RNF181: variants seen among roughly 807,000 people sequenced by gnomAD.
RNF181 encodes E3 ubiquitin-protein ligase RNF181.
Under a neutral mutation model 23.3 loss-of-function variants are expected in RNF181, and 25 were observed. That is an observed-to-expected ratio of 1.07 (90% confidence interval 0.78 to 1.50). The LOEUF is 1.50. Ranked by LOEUF, RNF181 falls within the 40% of genes most tolerant of loss-of-function variation. RNF181 has a pLI of 0.00. For synonymous variants in RNF181, 62 were observed against 70.9 expected, an observed-to-expected ratio of 0.87 and a Z score of 0.63; for missense variants, 167 against 191.1, an observed-to-expected ratio of 0.87 and a Z score of 0.74.
chr2:85,595,896 G>A, intron 1 of RNF181, 47 bp downstream of exon 1: 2 of 1,529,512 alleles, frequency 1.3e-6, no homozygotes, highest in African/African-American at 2.7e-5. Context: ...CAGGTTTCTG[G>A]GCTGGGGCTG....
chr2:85,597,078 C>A (rs1226133922), intron 3 of RNF181, 26 bp from the exon 4 acceptor site: 25 of 1,614,164 alleles, frequency 1.5e-5, no homozygotes, highest in Non-Finnish European at 2.0e-5. Flanking sequence ...CAGACCAAGG[C>A]TAGAACACTA....
rs1314618487 is a variant in RNF181, at chr2:85,596,836, G to C, written c.232G>C (p.Val78Leu). 6.2e-7 allele frequency: 1 copy of C among 1,614,206 alleles called. No homozygotes were observed. Among genetic ancestry groups the C allele is most frequent in the Non-Finnish European group, 8.5e-7 (1 of 1,180,026 alleles). The stretch of plus-strand genomic sequence containing the variant: ...CCTTCCTAAAGAGCTCAAGTGCCCC[G>C]TGTGTCTTTTGGAATTTGAGGAGGA... ...RGSQAELKCP[V>L]CLLEFEEEET... Residue 78 changes from valine (V) to leucine (L), a missense_variant, in exon 3 of 5, where the codon GTG (valine) becomes CTG (leucine). Physicochemically the swap from Val to Leu is conservative, Grantham distance 32. Coordinates refer to ENST00000306368, the MANE Select transcript of RNF181 (RefSeq NM_016494.4).
intron 3 of RNF181, 55 bp downstream of exon 3, chr2:85,596,986 T>C: frequency 6.2e-7 from 1 of 1,614,080 alleles, no homozygotes. Flanking sequence ...TACTCAAGCT[T>C]CTTTCTGTTC....
intron 1 of RNF181, among the ~76,000 whole-genome samples, chr2:85,596,060 C>T (rs564903530): frequency 6.6e-6 from 1 of 151,096 alleles, no homozygotes; most frequent in East Asian, 1.9e-4. Context: ...AAGGGGATTG[C>T]GGGAAAGATT....
At position 85,595,822 on chromosome 2, in the gene RNF181, G is replaced by A. The variant is rs757713903; in HGVS notation, c.59G>A (p.Arg20Gln). The part of the protein sequence containing the change: ...CEPSDPEQET[R>Q]TNMLLELARS... ...CCGTCGGACCCTGAGCAGGAGACGC[G>A]AACCAACATGCTGCTGGAGCTCGCA... Residue 20 changes from arginine to glutamine, a missense_variant, in exon 1 of 5, where the codon CGA becomes CAA. Coordinates refer to ENST00000306368, the MANE Select transcript of RNF181 (RefSeq NM_016494.4). 1.2e-6 allele frequency: 2 copies of A among 1,614,050 alleles called. No individual in the cohort carries two copies. The highest frequency in any genetic ancestry group is 1.1e-5 in the South Asian group (1 of 91,062).
chr2:85,596,487 C>T (rs767846734), intron 1 of RNF181, 32 bp from the exon 2 acceptor site: 2 of 1,561,064 alleles, frequency 1.3e-6, no homozygotes, highest in Non-Finnish European at 1.7e-6. Context: ...GCATAGTTTT[C>T]CTTTGTTCTG....
rs1450731510 is a variant in RNF181 at position 85,595,850 on chromosome 2, G to C, written c.86+1G>C. ...CCAACATGCTGCTGGAGCTCGCAAG[G>C]TGGGTGCGCGGGGCTTGGGGATAGG... On this transcript the variant is annotated splice_donor_variant, in intron 1 of 4. Transcript: ENST00000306368. LOFTEE classifies it high-confidence loss of function. 6 of 1,613,530 alleles carry C rather than the reference G, an allele frequency of 3.7e-6. No homozygotes were observed. The highest frequency in any genetic ancestry group is 3.3e-5 in the Admixed American group (2 of 59,976).
rs763675331 is a variant in RNF181 at position 85,596,904 on chromosome 2, C to T, written c.300C>T (p.Ser100=). 6 of 1,614,202 alleles carry T rather than the reference C, an allele frequency of 3.7e-6. No homozygotes were observed. In the South Asian group the frequency reaches 6.6e-5, roughly 18 times the overall value. ...IEMPCHHLFH[S]SCILPWLSKT... ...TGCCTTGCCATCACCTTTTCCATTCCAGCTGCATTCTGCCCTGGCTAAGCA... is the reference window on the plus strand; with the variant it reads ...TGCCTTGCCATCACCTTTTCCATTCTAGCTGCATTCTGCCCTGGCTAAGCA... Residue 100 remains serine (S), a synonymous_variant, in exon 3 of 5, where the codon TCC becomes TCT. Transcript: ENST00000306368.
chr2:85,597,330 C>A, intron 4 of RNF181, 115 bp from the exon 5 acceptor site: 1 of 1,424,744 alleles, frequency 7.0e-7, no homozygotes, highest in Admixed American at 2.2e-5. Context: ...GTGAGAGCCT[C>A]AGCAATGCAG....
Position 85,596,621 on chromosome 2 carries a change from C to T in RNF181, c.189C>T (p.Pro63=). 6.2e-7 allele frequency: 1 copy of T among 1,614,060 alleles called. No individual in the cohort carries two copies. Among genetic ancestry groups the T allele is most frequent in the Non-Finnish European group, 8.5e-7 (1 of 1,179,948 alleles). Residue 63 remains proline (P), a synonymous_variant, in exon 2 of 5, where the codon CCC becomes CCT. Coordinates refer to ENST00000306368, the MANE Select transcript of RNF181 (RefSeq NM_016494.4). ...CCAAGACTGTGGTTGAGAACCTCCC[C>T]AGGACAGTCATCAGAGGCTCTCAGG... is the stretch of plus-strand genomic sequence containing the variant. ...PAAKTVVENL[P]RTVIRGSQAE... is the part of the protein sequence containing the mutation.
At position 85,595,802 on chromosome 2, in the gene RNF181, G is replaced by A. The variant is rs778060327; in HGVS notation, c.39G>A (p.Ser13=). 30 of 1,614,014 alleles carry A rather than the reference G, an allele frequency of 1.9e-5. No homozygotes were observed. The highest frequency in any genetic ancestry group is 2.5e-5 in the Non-Finnish European group (30 of 1,179,998). Reference sequence around the variant, plus strand: ...TCGATGAACACGACTGCGAGCCGTCGGACCCTGAGCAGGAGACGCGAACCA... The same window carrying A: ...TCGATGAACACGACTGCGAGCCGTCAGACCCTGAGCAGGAGACGCGAACCA... ...SYFDEHDCEP[S]DPEQETRTNM... The change falls in exon 1 of 5, where the codon TCG becomes TCA. Residue 13 remains serine, a synonymous_variant. Coordinates refer to ENST00000306368, the MANE Select transcript of RNF181 (RefSeq NM_016494.4).
intron 1 of RNF181, among the ~76,000 whole-genome samples, chr2:85,596,092 TG>T (rs1199515331): frequency 1.4e-5 from 2 of 144,816 alleles, no homozygotes; most frequent in East Asian, 4.0e-4. Flanking sequence ...GTGGTGGGCG[TG>T]GGGGCGGAAG....
In RNF181 at chr2:85,596,436, G is replaced by A. The variant is rs17026482; in HGVS notation, c.87-83G>A. On this transcript the variant is annotated intron_variant, in intron 1 of 4. Coordinates refer to ENST00000306368, the MANE Select transcript of RNF181 (RefSeq NM_016494.4). ...CTATTATTCCTACTAGCTGGGCAGCGTGTTTATTAATGTCCAGTGGATTAT... is the reference window on the plus strand; with the variant it reads ...CTATTATTCCTACTAGCTGGGCAGCATGTTTATTAATGTCCAGTGGATTAT... 1,273 of 1,399,868 alleles carry A rather than the reference G, an allele frequency of 9.1e-4. 16 individuals are homozygous for A. The African/African-American group carries it at 0.011, about 12-fold the overall frequency. 86.7% of individuals were successfully genotyped at this position (1,399,868 alleles called of 1,614,324 possible).
At chr2:85,597,359 C>A in intron 4 of RNF181, 86 bp from the exon 5 acceptor site, 1 of 1,505,088 alleles carries the variant, frequency 6.6e-7, no homozygotes, top group South Asian at 1.3e-5. Context: ...GGCCTGAAAA[C>A]AGAGCCAGCC....
intron 1 of RNF181, among the ~76,000 whole-genome samples, 179 bp from the exon 2 acceptor site, chr2:85,596,340 C>T (rs548815599): frequency 6.7e-6 from 1 of 149,948 alleles, no homozygotes; most frequent in South Asian, 2.2e-4. Flanking sequence ...CTGGGGCGGT[C>T]TGATAGCAGT....
At chr2:85,597,253 C>T (rs1672695679) in intron 4 of RNF181, 75 bp downstream of exon 4, 1 of 1,424,408 alleles carries the variant, frequency 7.0e-7, no homozygotes, top group Non-Finnish European at 9.7e-7. Flanking sequence ...CACTTCCCAC[C>T]TCAGCAGGAC....
At chr2:85,596,471 G>T (rs79825049) in intron 1 of RNF181, 48 bp from the exon 2 acceptor site, 7 of 1,543,760 alleles carry the variant, frequency 4.5e-6, no homozygotes, top group East Asian at 4.5e-5. Flanking sequence ...TGGGGACAAA[G>T]AAAAAGCATA....
chr2:85,595,904 C>A, intron 1 of RNF181, 55 bp downstream of exon 1: 1 of 1,515,604 alleles, frequency 6.6e-7, no homozygotes, highest in Non-Finnish European at 9.1e-7. Context: ...TGGGCTGGGG[C>A]TGGCTGGAGA....
In RNF181 at chr2:85,597,597, A is replaced by T. The variant is rs1267308685; in HGVS notation, c.*93A>T. 6.4e-7 allele frequency: 1 copy of T among 1,562,980 alleles called. No individual in the cohort carries two copies. Among genetic ancestry groups the T allele is most frequent in the African/African-American group, 1.4e-5 (1 of 73,000 alleles). On this transcript the variant is annotated 3_prime_UTR_variant, in exon 5 of 5. Transcript: ENST00000306368. ...CTTTACCCACCCTGAGGCTGTATTGATCACAGACCTGGCCAGGGGCTCTGC... is the reference window on the plus strand; with the variant it reads ...CTTTACCCACCCTGAGGCTGTATTGTTCACAGACCTGGCCAGGGGCTCTGC...
Sources: allele counts gnomAD v4.1 joint callset (sites outside exome capture counted in the v4.1 genomes callset), GRCh38; gene constraint gnomAD v4.1.1; transcripts MANE v1.5; gene names NCBI Gene and HGNC (gene_info 2026-07-23, HGNC 2026-07-21).